The following A2ML1 variants were observed in gnomAD, a reference collection of about 807,000 sequenced individuals.
A2ML1 encodes alpha-2-macroglobulin-like protein 1.
In A2ML1, 161 loss-of-function variants were observed where a neutral mutation model predicts 181.9. The observed-to-expected ratio is 0.89, with a 90% CI of 0.78 to 1.01. The LOEUF is 1.01. Among genes scored for constraint, A2ML1 ranks in the 50% least tolerant of loss-of-function variants. The probability of loss-of-function intolerance (pLI) is 0.00; values close to 1 mark genes in which losing one functional copy is unlikely to be tolerated. For missense variants in A2ML1, 1,670 were observed against 1,768.1 expected, an observed-to-expected ratio of 0.94 and a Z score of 1.00; for synonymous variants, 663 against 666.8, an observed-to-expected ratio of 0.99 and a Z score of 0.09.
intron 23 of A2ML1, 58 bp from the exon 24 acceptor site, chr12:8,857,106 C>T (rs1400336499): frequency 1.3e-6 from 2 of 1,526,022 alleles, no homozygotes; most frequent in African/African-American, 2.7e-5. Flanking sequence ...GATGATAACT[C>T]TTAGAGGGTC....
At chr12:8,884,367 C>A (rs1391384159) in intron 7 of A2ML1, among the ~76,000 whole-genome samples, 1 of 151,232 alleles carries the variant, frequency 6.6e-6, no homozygotes. Flanking sequence ...ATTTCATCAC[C>A]TAGGTATTAA....
In A2ML1 at chr12:8,838,459, G is replaced by T. The variant is rs776730430; in HGVS notation, c.970+9G>T. The T allele has an allele frequency of 6.2e-7, 1 of 1,604,626 alleles. No individual in the cohort carries two copies. The highest frequency in any genetic ancestry group is 8.5e-7 in the Non-Finnish European group (1 of 1,173,232). On this transcript the variant is annotated intron_variant, in intron 9 of 35. Coordinates refer to ENST00000299698, the MANE Select transcript of A2ML1 (RefSeq NM_144670.6). ...TGTGGAGGAAGGGACAGGTAAGTAG[G>T]GTGCTCCTTGGCTCATTAAGAAAAG...
chr12:8,846,890 T>A (rs774397815), intron 14 of A2ML1, among the ~76,000 whole-genome samples: 1 of 151,866 alleles, frequency 6.6e-6, no homozygotes, highest in South Asian at 2.1e-4. Context: ...AGCAGGTGTA[T>A]CGCTTGAGCC....
intron 29 of A2ML1, among the ~76,000 whole-genome samples, chr12:8,865,996 G>A (rs1944411857): frequency 6.6e-6 from 1 of 152,092 alleles, no homozygotes; most frequent in African/African-American, 2.4e-5. Flanking sequence ...TCTTTTAATA[G>A]GTTGCATGTT....
intron 14 of A2ML1, among the ~76,000 whole-genome samples, chr12:8,847,098 C>CTATTTTTT (rs1943713756): frequency 1.1e-5 from 1 of 93,302 alleles, no homozygotes. Flanking sequence ...CCATGCCTGG[C>CTATTTTTT]TTTTTTTTTT....
chr12:8,863,264 G>A (rs2110075), intron 28 of A2ML1, among the ~76,000 whole-genome samples: 142,678 of 151,854 alleles, frequency 0.94, 67,669 homozygotes, highest in East Asian at 1. Flanking sequence ...GCGCCACCAC[G>A]CCTGGCTAAT....
intron 2 of A2ML1, 115 bp from the exon 3 acceptor site, chr12:8,823,605 C>G: frequency 8.1e-7 from 1 of 1,232,842 alleles, no homozygotes; most frequent in Non-Finnish European, 1.1e-6. Flanking sequence ...ATGTCTCTAT[C>G]CTTGCTACCC....
At chr12:8,876,820 C>T (rs1019272169), downstream of A2ML1, 2 of 152,088 alleles carry the variant, frequency 1.3e-5, no homozygotes, top group Admixed American at 6.6e-5. Context: ...TCTTTGGAAA[C>T]CAAAAGTTCT....
At chr12:8,859,010 AC>A (rs1482361888) in intron 26 of A2ML1, among the ~76,000 whole-genome samples, 1 of 152,048 alleles carries the variant, frequency 6.6e-6, no homozygotes, top group Non-Finnish European at 1.5e-5. Context: ...ATCCCATTTT[AC>A]AGATGAAGAA....
rs77431272 is a variant in A2ML1 at position 8,868,027 on chromosome 12, G to C, written c.3903G>C (p.Glu1301Asp). 2.4e-4 allele frequency: 388 copies of C among 1,614,252 alleles called. 1 individual carries two copies. The African/African-American group carries it at 4.4e-3, about 18-fold the overall frequency. ...LPNVPGMYTL[E>D]ASGQGCVYVQ... The stretch of plus-strand genomic sequence containing the variant: ...ATGTCCCTGGAATGTACACGTTGGA[G>C]GCCTCAGGCCAGGGCTGTGTCTATG... The change falls in exon 30 of 36, where the codon GAG (glutamate) becomes GAC (aspartate). Residue 1301 changes from glutamate (E) to aspartate (D), a missense_variant. By Grantham distance (45) the Glu-to-Asp change is conservative. Coordinates refer to ENST00000299698, the MANE Select transcript of A2ML1 (RefSeq NM_144670.6).
intron 33 of A2ML1, among the ~76,000 whole-genome samples, chr12:8,872,140 C>T (rs989692540): frequency 1.3e-5 from 2 of 150,962 alleles, no homozygotes; most frequent in Non-Finnish European, 2.9e-5. Flanking sequence ...GATTGCGCCA[C>T]TGCACTCCAG....
intron 11 of A2ML1, among the ~76,000 whole-genome samples, chr12:8,842,397 T>A (rs1268306074): frequency 6.6e-6 from 1 of 152,008 alleles, no homozygotes; most frequent in Non-Finnish European, 1.5e-5. Context: ...TTTTTGTATT[T>A]TTTAGTAGAG....
intron 2 of A2ML1, 57 bp downstream of exon 2, chr12:8,823,422 G>A: frequency 6.6e-7 from 1 of 1,518,568 alleles, no homozygotes; most frequent in Non-Finnish European, 8.9e-7. Flanking sequence ...TCCTCCCTAG[G>A]CTCACTATAA....
intron 7 of A2ML1, among the ~76,000 whole-genome samples, chr12:8,882,309 C>T (rs1383012648): frequency 6.6e-6 from 1 of 152,284 alleles, no homozygotes; most frequent in East Asian, 1.9e-4. Context: ...CTCTTGAAGG[C>T]TTTCCCTTCT....
At chr12:8,860,798 G>C in intron 26 of A2ML1, 83 bp from the exon 27 acceptor site, 1 of 1,137,852 alleles carries the variant, frequency 8.8e-7, no homozygotes, top group Non-Finnish European at 1.3e-6. Flanking sequence ...TCTATTCAGA[G>C]GGGAGGCTGT....
intron 33 of A2ML1, among the ~76,000 whole-genome samples, chr12:8,872,198 A>G (rs1160567566): frequency 6.6e-6 from 1 of 151,786 alleles, no homozygotes; most frequent in African/African-American, 2.4e-5. Context: ...AAAAAAAAAA[A>G]AAAACTGCTA....
At chr12:8,834,553 A>C in intron 4 of A2ML1, 109 bp from the exon 5 acceptor site, 1 of 1,356,464 alleles carries the variant, frequency 7.4e-7, no homozygotes, top group Non-Finnish European at 1.0e-6. Context: ...GAAATGAAGA[A>C]ATGGGCAAGA....
chr12:8,837,933 C>T (rs922847023), intron 8 of A2ML1, among the ~76,000 whole-genome samples: 1 of 148,362 alleles, frequency 6.7e-6, no homozygotes, highest in Non-Finnish European at 1.5e-5. Flanking sequence ...TGTCCTAAAG[C>T]GTAAGGAAGC....
At chr12:8,845,774 C>T (rs1180000970) in intron 13 of A2ML1, among the ~76,000 whole-genome samples, 2 of 151,086 alleles carry the variant, frequency 1.3e-5, no homozygotes, top group Non-Finnish European at 2.9e-5. Context: ...GGCGTGAACC[C>T]GGGAGGCGGA....
Sources: gnomAD v4.1 joint callset for allele counts (sites outside exome capture counted in the v4.1 genomes callset) on GRCh38, gnomAD v4.1.1 for gene constraint, MANE v1.5 for transcripts, NCBI Gene and HGNC (gene_info 2026-07-23, HGNC 2026-07-21) for gene names.